Variants in CPEB4 observed in about 807,000 individuals in gnomAD.
CPEB4 encodes cytoplasmic polyadenylation element-binding protein 4.
CPEB4 carries 12 observed loss-of-function variants against 72.5 expected under a neutral mutation model. The ratio of observed to expected loss-of-function variants is 0.17; its 90% CI spans 0.11 to 0.27. The LOEUF (loss-of-function observed/expected upper bound fraction) is 0.27, where lower values mean the gene tolerates loss of function less well. CPEB4 is among the 10% of genes least tolerant of loss of function. The pLI is 1.00. For missense variants in CPEB4, 614 were observed against 908.5 expected (o/e 0.68, Z 4.17); for synonymous variants, 302 against 326.3 (o/e 0.93, Z 0.80).
chr5:173,909,008 C>G (rs188843061), intron 1 of CPEB4, among the ~76,000 whole-genome samples: 5 of 152,212 alleles, frequency 3.3e-5, no homozygotes, highest in Non-Finnish European at 5.9e-5. Flanking sequence ...GTTTTCATCT[C>G]CTACTTTCAA....
At chr5:173,934,749 G>T (rs1208801910) in intron 3 of CPEB4, among the ~76,000 whole-genome samples, 1 of 152,228 alleles carries the variant, frequency 6.6e-6, no homozygotes, top group Admixed American at 6.5e-5. Flanking sequence ...GCAATGTCCA[G>T]ATTAGAGCAG....
intron 2 of CPEB4, among the ~76,000 whole-genome samples, chr5:173,927,369 C>T (rs1383831713): frequency 6.6e-6 from 1 of 152,134 alleles, no homozygotes; most frequent in Non-Finnish European, 1.5e-5. Context: ...AGCTCTAATT[C>T]CGAAGGGGGC....
rs1758342533 is a variant in CPEB4, at chr5:173,955,266, T to A, written c.1963-644T>A. 6.6e-6 allele frequency among the ~76,000 whole-genome samples: 1 copy of A among 152,180 alleles called. No individual in the cohort carries two copies. The highest frequency in any genetic ancestry group is 1.5e-5 in the Non-Finnish European group (1 of 68,038). Reference sequence around the variant, plus strand: ...GTTTTAGAAATTCACCTCTGACTTTTAGACTCAGGTGAACCATTCTTACTG... The same window carrying A: ...GTTTTAGAAATTCACCTCTGACTTTAAGACTCAGGTGAACCATTCTTACTG... On this transcript the variant is annotated intron_variant, in intron 9 of 9. Transcript: ENST00000265085. The surrounding 1 kb of genome is among the most constrained non-coding windows in gnomAD (Gnocchi z 4.7).
chr5:173,949,321 G>A (rs1339384069), intron 5 of CPEB4, among the ~76,000 whole-genome samples, 187 bp from the exon 6 acceptor site: 1 of 152,084 alleles, frequency 6.6e-6, no homozygotes, highest in African/African-American at 2.4e-5. Flanking sequence ...GGGAGAAAGA[G>A]GAAGAGAGAA....
intron 3 of CPEB4, among the ~76,000 whole-genome samples, chr5:173,933,983 C>T (rs1440036745): frequency 6.6e-6 from 1 of 152,184 alleles, no homozygotes; most frequent in African/African-American, 2.4e-5. Flanking sequence ...AGGAATTCAA[C>T]ACCAGCCTCG....
intron 2 of CPEB4, among the ~76,000 whole-genome samples, chr5:173,917,890 C>T (rs1756930138): frequency 6.6e-6 from 1 of 152,184 alleles, no homozygotes; most frequent in Admixed American, 6.5e-5. Context: ...GACTCAGAGT[C>T]GGCCGGCAGC....
At chr5:173,892,664 T>C (rs893582921) in intron 1 of CPEB4, among the ~76,000 whole-genome samples, 2 of 150,512 alleles carry the variant, frequency 1.3e-5, no homozygotes, top group African/African-American at 2.5e-5. Context: ...TTACTGACTT[T>C]TGTTAAGATT....
At chr5:173,941,205 C>A (rs558196931) in intron 3 of CPEB4, among the ~76,000 whole-genome samples, 2 of 152,264 alleles carry the variant, frequency 1.3e-5, no homozygotes, top group African/African-American at 4.8e-5. Context: ...ACTCCCTAAT[C>A]TTTGAAGCAG....
chr5:173,939,800 A>T (rs1045884515), intron 3 of CPEB4, among the ~76,000 whole-genome samples: 4 of 151,840 alleles, frequency 2.6e-5, no homozygotes, highest in Non-Finnish European at 4.4e-5. Context: ...CTGAACATTA[A>T]ATTATTGAGG....
chr5:173,894,614 C>T (rs1177364840), intron 1 of CPEB4, among the ~76,000 whole-genome samples: 1 of 135,208 alleles, frequency 7.4e-6, no homozygotes, highest in Non-Finnish European at 1.6e-5. Context: ...GAGTGAGACT[C>T]CGACTCAAAA....
chr5:173,924,355 C>T (rs556019644), intron 2 of CPEB4, among the ~76,000 whole-genome samples: 1 of 152,276 alleles, frequency 6.6e-6, no homozygotes, highest in South Asian at 2.1e-4. Flanking sequence ...TTGTTCTTTT[C>T]TCTCTTCCTG....
At chr5:173,949,934 A>AT in intron 6 of CPEB4, 26 bp from the exon 7 acceptor site, 1 of 1,461,626 alleles carries the variant, frequency 6.8e-7, no homozygotes, top group South Asian at 1.2e-5. Context: ...GAAAACATGT[A>AT]AGCCTTCTTT....
chr5:173,948,536 G>T (rs1758112261), intron 5 of CPEB4, among the ~76,000 whole-genome samples: 1 of 152,086 alleles, frequency 6.6e-6, no homozygotes, highest in South Asian at 2.1e-4. Flanking sequence ...GGAAAGGATG[G>T]CATTGCACCA....
At chr5:173,927,612 A>G (rs1233550306) in intron 2 of CPEB4, among the ~76,000 whole-genome samples, 1 of 152,164 alleles carries the variant, frequency 6.6e-6, no homozygotes, top group Non-Finnish European at 1.5e-5. Context: ...CCCTGACTCT[A>G]CTAAAAATAC....
chr5:173,888,898 C>A lies in CPEB4; in HGVS notation c.-836C>A. On this transcript the variant is annotated 5_prime_UTR_variant, in exon 1 of 10. Transcript: ENST00000265085. The surrounding 1 kb of genome is among the most constrained non-coding windows in gnomAD (Gnocchi z 4.3). ...CGCTAATCCCTCCTGATCGCGACCC[C>A]CGCAAGAGGGAGAAACGGGTGTTTC... The A allele has an allele frequency of 4.8e-6, 1 of 209,006 alleles. No homozygotes were observed. Among genetic ancestry groups the A allele is most frequent in the Non-Finnish European group, 9.5e-6 (1 of 105,324 alleles). 12.9% of individuals were successfully genotyped at this position (209,006 alleles called of 1,614,324 possible).
At chr5:173,943,566 A>G (rs1400479944) in intron 4 of CPEB4, among the ~76,000 whole-genome samples, 1 of 152,132 alleles carries the variant, frequency 6.6e-6, no homozygotes, top group Non-Finnish European at 1.5e-5. Context: ...AGCTCTAGAA[A>G]TTTTAGGTAA....
At position 173,956,352 on chromosome 5, in the gene CPEB4, G is replaced by A. The variant is rs1424394313; in HGVS notation, c.*215G>A. Reference sequence around the variant, plus strand: ...AACTCCTTTTTCGTATTGCCATCGGGTTGCATGGAAGTTTTATTCTCTTGT... The same window carrying A: ...AACTCCTTTTTCGTATTGCCATCGGATTGCATGGAAGTTTTATTCTCTTGT... On this transcript the variant is annotated 3_prime_UTR_variant, in exon 10 of 10. Coordinates refer to ENST00000265085, the MANE Select transcript of CPEB4 (RefSeq NM_030627.4). The A allele has an allele frequency of 2.2e-6, 1 of 456,468 alleles. No homozygotes were observed. Among genetic ancestry groups the A allele is most frequent in the East Asian group, 3.3e-5 (1 of 30,078 alleles). The allele number at this position is 456,468 out of a possible 1,614,324, so 28.3% of individuals were successfully genotyped here. A position where few individuals can be genotyped will look rare whatever the true frequency, so the allele number is the denominator to read the frequency against.
intron 4 of CPEB4, among the ~76,000 whole-genome samples, chr5:173,944,421 G>A (rs1020799698): frequency 4.7e-5 from 7 of 149,524 alleles, no homozygotes; most frequent in African/African-American, 1.7e-4. Context: ...GCTGCAGTGA[G>A]CTATGATTAT....
At chr5:173,922,138 C>T (rs1016122089) in intron 2 of CPEB4, among the ~76,000 whole-genome samples, 3 of 152,182 alleles carry the variant, frequency 2.0e-5, no homozygotes, top group African/African-American at 4.8e-5. Context: ...ATTGTGTAGC[C>T]TCTGAGAAGG....
Sources: gnomAD v4.1 joint callset for allele counts (sites outside exome capture counted in the v4.1 genomes callset) on GRCh38, gnomAD v4.1.1 for gene constraint, Gnocchi (gnomAD v3.1) non-coding constraint, MANE v1.5 for transcripts, NCBI Gene and HGNC (gene_info 2026-07-23, HGNC 2026-07-21) for gene names.